PPP6R3: variants seen among roughly 807,000 people sequenced by gnomAD.
PPP6R3 encodes the protein serine/threonine-protein phosphatase 6 regulatory subunit 3.
Under a neutral mutation model 110.7 loss-of-function variants are expected in PPP6R3, and 38 were observed. The ratio of observed to expected loss-of-function variants is 0.34; its 90% CI spans 0.26 to 0.45. The LOEUF is 0.45. Ranked by LOEUF, PPP6R3 falls within the 20% of genes least tolerant of loss-of-function variation. PPP6R3 has a pLI of 1.00. For synonymous variants in PPP6R3, 369 were observed against 373.5 expected (o/e 0.99, Z 0.14); for missense variants, 870 against 1,062.4 (o/e 0.82, Z 2.52).
At chr11:68,512,502 A>G (rs2099115740) in intron 1 of PPP6R3, among the ~76,000 whole-genome samples, 1 of 152,226 alleles carries the variant, frequency 6.6e-6, no homozygotes, top group Non-Finnish European at 1.5e-5. Flanking sequence ...CCTGAAAGCC[A>G]ATTACCGGGG....
At chr11:68,525,577 A>G (rs1441052934) in intron 2 of PPP6R3, among the ~76,000 whole-genome samples, 15 of 152,212 alleles carry the variant, frequency 9.9e-5, no homozygotes, top group Non-Finnish European at 1.0e-4. Context: ...TGAATACTTC[A>G]GGGTTATATA....
chr11:68,475,719 C>T (rs1432223254), intron 1 of PPP6R3, among the ~76,000 whole-genome samples: 48 of 144,708 alleles, frequency 3.3e-4, no homozygotes, highest in African/African-American at 1.1e-3. Context: ...GGCTGCCGGG[C>T]GGAGACGCTC....
rs1396686463 is a variant in PPP6R3 at position 68,613,526 on chromosome 11, A to C, written c.*409A>C. ...GTGACCAAAGTATTAGGCGGTTTTC[A>C]TACATTTTTCACCTTGTACAAAATT... On this transcript the variant is annotated 3_prime_UTR_variant, in exon 24 of 24. Coordinates refer to ENST00000393800, the MANE Select transcript of PPP6R3 (RefSeq NM_001164161.2). The C allele has an allele frequency of 2.0e-6, 2 of 987,770 alleles. No homozygotes were observed. The highest frequency in any genetic ancestry group is 2.4e-6 in the Non-Finnish European group (2 of 831,360). The allele number at this position is 987,770 out of a possible 1,614,324, so 61.2% of individuals were successfully genotyped here. A position where few individuals can be genotyped will look rare whatever the true frequency, so the allele number is the denominator to read the frequency against.
intron 6 of PPP6R3, among the ~76,000 whole-genome samples, chr11:68,552,117 G>A (rs1273743751): frequency 6.6e-6 from 1 of 152,166 alleles, no homozygotes; most frequent in Non-Finnish European, 1.5e-5. Context: ...AAGTATCTTG[G>A]CCAAGCCGTA....
intron 1 of PPP6R3, among the ~76,000 whole-genome samples, chr11:68,465,444 T>C (rs10047412): frequency 0.24 from 36,630 of 152,158 alleles, 4,629 homozygotes; most frequent in Middle Eastern, 0.34. Context: ...ATTTAGATTA[T>C]CTAGTTTATG....
chr11:68,461,809 T>C (rs1389928380), intron 1 of PPP6R3, among the ~76,000 whole-genome samples: 1 of 152,124 alleles, frequency 6.6e-6, no homozygotes, highest in African/African-American at 2.4e-5. Context: ...CGGGGTGGTG[T>C]CCTTTATTCG....
chr11:68,491,254 G>A (rs2098982081), intron 1 of PPP6R3, among the ~76,000 whole-genome samples: 1 of 151,464 alleles, frequency 6.6e-6, no homozygotes, highest in African/African-American at 2.4e-5. Context: ...TCTGATGCTT[G>A]TTCAGTGTCT....
At chr11:68,526,860 A>G (rs963664848) in intron 2 of PPP6R3, among the ~76,000 whole-genome samples, 5 of 152,220 alleles carry the variant, frequency 3.3e-5, no homozygotes, top group African/African-American at 1.2e-4. Context: ...AGGTTTCATA[A>G]TGAGAATTTG....
chr11:68,463,504 A>G (rs1433510798), intron 1 of PPP6R3, among the ~76,000 whole-genome samples: 1 of 151,822 alleles, frequency 6.6e-6, no homozygotes, highest in East Asian at 1.9e-4. Context: ...TATTTTCAGT[A>G]TTTGAGAGGC....
chr11:68,612,378 C>T (rs1943939471), intron 23 of PPP6R3, among the ~76,000 whole-genome samples: 1 of 152,136 alleles, frequency 6.6e-6, no homozygotes, highest in Non-Finnish European at 1.5e-5. Context: ...ATCCCAGTTA[C>T]GGCCCTAAGC....
intron 1 of PPP6R3, among the ~76,000 whole-genome samples, chr11:68,474,657 G>A (rs2098815626): frequency 6.6e-6 from 1 of 152,100 alleles, no homozygotes; most frequent in Non-Finnish European, 1.5e-5. Flanking sequence ...TTGAAGGTTT[G>A]GTAAGCCTTG....
chr11:68,507,034 GCT>G (rs1374231206), intron 1 of PPP6R3, among the ~76,000 whole-genome samples: 5 of 152,240 alleles, frequency 3.3e-5, no homozygotes, highest in Non-Finnish European at 7.4e-5. Context: ...TTATGACTTG[GCT>G]CTGTTTTAAT....
At chr11:68,466,682 G>C (rs895285759) in intron 1 of PPP6R3, among the ~76,000 whole-genome samples, 3 of 151,952 alleles carry the variant, frequency 2.0e-5, no homozygotes, top group African/African-American at 7.3e-5. Flanking sequence ...GCGCTATCTC[G>C]GCTCACTGCA....
At chr11:68,564,272 T>C in intron 8 of PPP6R3, 31 bp from the exon 9 acceptor site, 1 of 1,573,876 alleles carries the variant, frequency 6.4e-7, no homozygotes, top group Non-Finnish European at 8.7e-7. Context: ...TCTGAAATTA[T>C]AATAACTAAA....
At chr11:68,552,242 G>A (rs1015424965) in intron 6 of PPP6R3, among the ~76,000 whole-genome samples, 1 of 152,212 alleles carries the variant, frequency 6.6e-6, no homozygotes, top group African/African-American at 2.4e-5. Context: ...TCCTGAAGCT[G>A]GGAGAATCTC....
At chr11:68,522,246 A>G (rs2099167683) in intron 2 of PPP6R3, among the ~76,000 whole-genome samples, 1 of 152,264 alleles carries the variant, frequency 6.6e-6, no homozygotes, top group Admixed American at 6.5e-5. Flanking sequence ...GATCTGCAAA[A>G]TGCTATGTAA....
chr11:68,585,866 A>G (rs926609913), intron 15 of PPP6R3, among the ~76,000 whole-genome samples: 1 of 152,152 alleles, frequency 6.6e-6, no homozygotes, highest in Non-Finnish European at 1.5e-5. Context: ...CATATTTAGT[A>G]TTTGCATTCT....
At chr11:68,488,094 CCTTT>C (rs1315178288) in intron 1 of PPP6R3, among the ~76,000 whole-genome samples, 1 of 152,182 alleles carries the variant, frequency 6.6e-6, no homozygotes, top group Non-Finnish European at 1.5e-5. Flanking sequence ...AATATTTCTT[CCTTT>C]ATCATTATGT....
chr11:68,511,123 A>C (rs2099106749), intron 1 of PPP6R3, among the ~76,000 whole-genome samples: 1 of 150,104 alleles, frequency 6.7e-6, no homozygotes, highest in East Asian at 2.0e-4. Context: ...GCTGGAGTGC[A>C]ATGGTGTGAT....
Sources: allele counts gnomAD v4.1 joint callset (sites outside exome capture counted in the v4.1 genomes callset), GRCh38; gene constraint gnomAD v4.1.1; transcripts MANE v1.5; gene names NCBI Gene and HGNC (gene_info 2026-07-23, HGNC 2026-07-21).